Variants in GRIK4 observed in about 807,000 individuals in gnomAD.
The protein encoded by GRIK4 is glutamate receptor ionotropic, kainate 4.
Under a neutral mutation model 104.9 loss-of-function variants are expected in GRIK4, and 40 were observed. The observed-to-expected ratio is 0.38, with a 90% CI of 0.30 to 0.50. GRIK4 has a LOEUF of 0.50. Among genes scored for constraint, GRIK4 ranks in the 20% least tolerant of loss-of-function variants. The probability of loss-of-function intolerance (pLI) is 0.93; values close to 1 mark genes in which losing one functional copy is unlikely to be tolerated. For synonymous variants in GRIK4, 485 were observed against 524.9 expected (o/e 0.92, Z 1.04); for missense variants, 1,047 against 1,308.1 (o/e 0.80, Z 3.08).
chr11:120,758,158 C>T (rs1951684970), intron 3 of GRIK4, among the ~76,000 whole-genome samples: 1 of 152,138 alleles, frequency 6.6e-6, no homozygotes, highest in Non-Finnish European at 1.5e-5. Flanking sequence ...CGATCCCATG[C>T]AGCAGAACAG....
At chr11:120,744,503 C>T (rs1951403496) in intron 3 of GRIK4, among the ~76,000 whole-genome samples, 1 of 152,208 alleles carries the variant, frequency 6.6e-6, no homozygotes, top group African/African-American at 2.4e-5. Context: ...GTAATGTTGA[C>T]TGCCATTCAC....
chr11:120,580,142 T>C (rs1948551045), intron 1 of GRIK4, among the ~76,000 whole-genome samples: 1 of 152,204 alleles, frequency 6.6e-6, no homozygotes, highest in African/African-American at 2.4e-5. Context: ...GTTTGGATTG[T>C]TTTCAGTTTT....
At chr11:120,640,105 A>G (rs1198741421) in intron 1 of GRIK4, among the ~76,000 whole-genome samples, 1 of 152,222 alleles carries the variant, frequency 6.6e-6, no homozygotes, top group Non-Finnish European at 1.5e-5. Flanking sequence ...CATGCAAGAA[A>G]GAACTTGGGG....
chr11:120,845,404 G>C (rs1433322195), intron 8 of GRIK4, among the ~76,000 whole-genome samples: 1 of 152,194 alleles, frequency 6.6e-6, no homozygotes, highest in Non-Finnish European at 1.5e-5. Context: ...AGGGTTGTTA[G>C]TAAATATTAT....
intron 11 of GRIK4, among the ~76,000 whole-genome samples, chr11:120,890,783 G>A (rs936006477): frequency 3.9e-5 from 6 of 152,198 alleles, no homozygotes; most frequent in Admixed American, 2.0e-4. Flanking sequence ...GGAGATTTAC[G>A]TAAGCAGAGC....
chr11:120,979,005 T>C (rs1944607111), intron 19 of GRIK4, among the ~76,000 whole-genome samples: 1 of 152,290 alleles, frequency 6.6e-6, no homozygotes, highest in South Asian at 2.1e-4. Context: ...CAAGACAAAA[T>C]TGCATGGGGT....
At chr11:120,929,023 A>T (rs2850803) in intron 13 of GRIK4, among the ~76,000 whole-genome samples, 2 of 89,506 alleles carry the variant, frequency 2.2e-5, no homozygotes, top group Non-Finnish European at 5.2e-5. Flanking sequence ...GTGTGCGCAC[A>T]TGTGTGTGTG....
intron 3 of GRIK4, among the ~76,000 whole-genome samples, chr11:120,750,832 C>G (rs906548492): frequency 2.2e-4 from 33 of 152,126 alleles, no homozygotes; most frequent in African/African-American, 7.0e-4. Flanking sequence ...CTTCCATGGA[C>G]TCTTCACCAA....
intron 1 of GRIK4, among the ~76,000 whole-genome samples, chr11:120,625,532 C>T (rs1949247426): frequency 6.6e-6 from 1 of 152,054 alleles, no homozygotes; most frequent in Non-Finnish European, 1.5e-5. Flanking sequence ...CCTCTTCTCA[C>T]ATCTGAGATG....
chr11:120,784,478 G>T (rs758118472), intron 3 of GRIK4, among the ~76,000 whole-genome samples: 5 of 152,050 alleles, frequency 3.3e-5, no homozygotes, highest in Non-Finnish European at 5.9e-5. Context: ...CAGACCTCTG[G>T]CTCCCTTGGT....
intron 4 of GRIK4, among the ~76,000 whole-genome samples, chr11:120,812,941 A>G (rs868197274): frequency 2.0e-5 from 3 of 152,224 alleles, no homozygotes; most frequent in Non-Finnish European, 1.5e-5. Context: ...TGAGTGAAAG[A>G]CTGACCAGAG....
At chr11:120,716,313 A>C (rs1369837261) in intron 3 of GRIK4, among the ~76,000 whole-genome samples, 1 of 152,076 alleles carries the variant, frequency 6.6e-6, no homozygotes, top group East Asian at 1.9e-4. Flanking sequence ...GCCTGATCTC[A>C]GCTCCCTGCA....
At chr11:120,764,396 C>T (rs956479028) in intron 3 of GRIK4, among the ~76,000 whole-genome samples, 1 of 152,126 alleles carries the variant, frequency 6.6e-6, no homozygotes, top group Non-Finnish European at 1.5e-5. Flanking sequence ...ACTCTTTATC[C>T]AATTTGCCAG....
At chr11:120,724,185 A>G (rs142747458) in intron 3 of GRIK4, among the ~76,000 whole-genome samples, 40 of 152,222 alleles carry the variant, frequency 2.6e-4, no homozygotes, top group African/African-American at 6.7e-4. Context: ...GTCTTGCTCT[A>G]TTGCCCAGGC....
At chr11:120,570,534 G>A (rs1948384939) in intron 1 of GRIK4, among the ~76,000 whole-genome samples, 1 of 152,118 alleles carries the variant, frequency 6.6e-6, no homozygotes, top group African/African-American at 2.4e-5. Context: ...GTTCACTGTA[G>A]CCTCAACCTC....
Position 120,905,539 on chromosome 11 carries a change from G to GGGGGGGGGTGGC in GRIK4, c.1476+46_1476+47insGGGGGGGGTGGC. 1 of 503,046 alleles carries GGGGGGGGGTGGC rather than the reference G, an allele frequency of 2.0e-6. No individual in the cohort carries two copies. Among genetic ancestry groups the GGGGGGGGGTGGC allele is most frequent in the African/African-American group, 2.0e-5 (1 of 50,502 alleles). The allele number at this position is 503,046 out of a possible 1,614,324, so 31.2% of individuals were successfully genotyped here. A position where few individuals can be genotyped will look rare whatever the true frequency, so the allele number is the denominator to read the frequency against. ...CTGGGCCTGAGGGTGGGCTGGGAGG[G>GGGGGGGGGTGGC]ATTGGAAGAGCATGAGGTTGTGCTG... On this transcript the variant is annotated intron_variant, in intron 13 of 20. Transcript: ENST00000527524. The surrounding 1 kb of genome is among the most constrained non-coding windows in gnomAD (Gnocchi z 5.1).
intron 1 of GRIK4, among the ~76,000 whole-genome samples, chr11:120,628,697 A>T (rs948997659): frequency 2.0e-5 from 3 of 152,088 alleles, no homozygotes; most frequent in East Asian, 3.9e-4. Context: ...GAGGAAGGCA[A>T]TTTCTTGGGA....
intron 2 of GRIK4, among the ~76,000 whole-genome samples, chr11:120,659,692 C>G (rs990257053): frequency 1.3e-5 from 2 of 152,208 alleles, no homozygotes; most frequent in Non-Finnish European, 2.9e-5. Flanking sequence ...ATCCCTTCCT[C>G]TTCTGCTCAC....
chr11:120,736,280 C>T (rs1951219386), intron 3 of GRIK4, among the ~76,000 whole-genome samples: 1 of 152,100 alleles, frequency 6.6e-6, no homozygotes, highest in Non-Finnish European at 1.5e-5. Flanking sequence ...GAGTCCTATC[C>T]TACTGTGGCT....
Sources: gnomAD v4.1 joint callset for allele counts (sites outside exome capture counted in the v4.1 genomes callset) on GRCh38, gnomAD v4.1.1 for gene constraint, Gnocchi (gnomAD v3.1) non-coding constraint, MANE v1.5 for transcripts, NCBI Gene and HGNC (gene_info 2026-07-23, HGNC 2026-07-21) for gene names.